Variants in DPF3 observed in about 807,000 individuals in gnomAD.
The protein encoded by DPF3 is double PHD fingers 3, also known as zinc finger protein DPF3.
A neutral mutation model predicts 56.8 loss-of-function variants in DPF3; 18 were observed. The ratio of observed to expected loss-of-function variants is 0.32; its 90% CI spans 0.22 to 0.47. DPF3 has a LOEUF of 0.47. Ranked by LOEUF, DPF3 falls within the 20% of genes least tolerant of loss-of-function variation. The pLI is 1.00. For synonymous variants in DPF3, 188 were observed against 180.2 expected (o/e 1.04, Z -0.35); for missense variants, 403 against 488.8 (o/e 0.82, Z 1.65).
At chr14:72,660,063 C>T (rs146100180) in intron 8 of DPF3, among the ~76,000 whole-genome samples, 120 of 151,972 alleles carry the variant, frequency 7.9e-4, no homozygotes, top group African/African-American at 2.6e-3. Context: ...ATGGGGAGTA[C>T]GTGTTTAAAT....
intron 8 of DPF3, among the ~76,000 whole-genome samples, chr14:72,639,496 G>A (rs556507835): frequency 9.2e-5 from 14 of 152,276 alleles, no homozygotes; most frequent in South Asian, 4.1e-4. Flanking sequence ...TTCATCTTCC[G>A]AATCCTCTCT....
intron 1 of DPF3, among the ~76,000 whole-genome samples, chr14:72,869,064 C>G (rs1469185631): frequency 6.6e-6 from 1 of 152,204 alleles, no homozygotes; most frequent in Non-Finnish European, 1.5e-5. Flanking sequence ...CATCTCATCC[C>G]TCTCCAGTGC....
chr14:72,689,846 C>T (rs1887598299), intron 7 of DPF3, among the ~76,000 whole-genome samples: 1 of 152,104 alleles, frequency 6.6e-6, no homozygotes, highest in South Asian at 2.1e-4. Context: ...CACTAAAAGC[C>T]TTTCTGCTGT....
chr14:72,888,356 T>C (rs1886627052), intron 1 of DPF3, among the ~76,000 whole-genome samples: 1 of 152,158 alleles, frequency 6.6e-6, no homozygotes, highest in Non-Finnish European at 1.5e-5. Flanking sequence ...AATCACAGGC[T>C]TCAAAAACCT....
intron 1 of DPF3, among the ~76,000 whole-genome samples, chr14:72,868,469 G>A (rs1885767089): frequency 6.6e-6 from 1 of 152,160 alleles, no homozygotes; most frequent in South Asian, 2.1e-4. Flanking sequence ...AACTTTCCAG[G>A]ACATGAAAAT....
chr14:72,652,271 C>A (rs1490555872), intron 8 of DPF3, among the ~76,000 whole-genome samples: 11 of 152,188 alleles, frequency 7.2e-5, no homozygotes, highest in Non-Finnish European at 1.5e-4. Flanking sequence ...CCCTTCCCCA[C>A]AAAGCTTCCC....
chr14:72,709,432 T>C (rs568424915), intron 6 of DPF3, among the ~76,000 whole-genome samples: 3 of 152,298 alleles, frequency 2.0e-5, no homozygotes, highest in African/African-American at 7.2e-5. Context: ...GGAAATCATA[T>C]AATTCCTTCC....
chr14:72,709,486 C>T (rs1035070065), intron 6 of DPF3, among the ~76,000 whole-genome samples: 25 of 152,182 alleles, frequency 1.6e-4, no homozygotes, highest in African/African-American at 4.6e-4. Context: ...AGCCTGCCCG[C>T]CTGATGCCTA....
intron 1 of DPF3, among the ~76,000 whole-genome samples, chr14:72,809,084 G>A (rs1882917140): frequency 6.6e-6 from 1 of 152,186 alleles, no homozygotes; most frequent in Non-Finnish European, 1.5e-5. Context: ...TAAAACACCA[G>A]GGCCCCCTTG....
chr14:72,799,867 T>G (rs1034867970), intron 1 of DPF3, among the ~76,000 whole-genome samples: 7 of 151,962 alleles, frequency 4.6e-5, no homozygotes, highest in African/African-American at 1.7e-4. Flanking sequence ...AGGATGCCAA[T>G]GTAAAGAAAA....
At chr14:72,893,712 G>A (rs1466327806) in intron 1 of DPF3, among the ~76,000 whole-genome samples, 1 of 150,244 alleles carries the variant, frequency 6.7e-6, no homozygotes, top group African/African-American at 2.4e-5. Context: ...CCCGCGAGGC[G>A]GGGGACTCCG....
At chr14:72,721,933 A>C (rs529739706) in intron 5 of DPF3, among the ~76,000 whole-genome samples, 35 of 152,170 alleles carry the variant, frequency 2.3e-4, no homozygotes, top group Non-Finnish European at 4.6e-4. Flanking sequence ...GGAGAAAAAA[A>C]AATGTGTGTG....
intron 1 of DPF3, among the ~76,000 whole-genome samples, chr14:72,779,991 C>T (rs754690424): frequency 2.6e-5 from 4 of 152,230 alleles, no homozygotes; most frequent in Non-Finnish European, 5.9e-5. Context: ...AGCACAGAGA[C>T]CACATCTGGC....
chr14:72,669,999 G>C, intron 8 of DPF3: 1 of 985,998 alleles, frequency 1.0e-6, no homozygotes, highest in African/African-American at 1.7e-5. Context: ...CTGTCAGTGA[G>C]GTGGGTGGCC....
chr14:72,661,971 C>T lies in DPF3; in HGVS notation c.871+12269G>A, dbSNP rs181342259. 2,311 of 983,838 alleles carry T rather than the reference C, an allele frequency of 2.3e-3. 8 individuals are homozygous for T. Among genetic ancestry groups the T allele is most frequent in the Middle Eastern group, 2.6e-3 (5 of 1,912 alleles). 60.9% of individuals were successfully genotyped at this position (983,838 alleles called of 1,614,324 possible). A position where few individuals can be genotyped will look rare whatever the true frequency, so the allele number is the denominator to read the frequency against. Reference sequence around the variant, plus strand: ...GATGGAATTCCTTCCTGAGCTAGACCTCATCAGACATGATAACTAGGAGGC... The same window carrying T: ...GATGGAATTCCTTCCTGAGCTAGACTTCATCAGACATGATAACTAGGAGGC... On this transcript the variant is annotated intron_variant, in intron 8 of 10. Transcript: ENST00000556509.
intron 1 of DPF3, among the ~76,000 whole-genome samples, chr14:72,864,637 C>T (rs1885588627): frequency 6.6e-6 from 1 of 152,256 alleles, no homozygotes; most frequent in Non-Finnish European, 1.5e-5. Context: ...CGGCCCTGTG[C>T]ATGGTGCTGC....
chr14:72,753,764 G>A (rs967681570), intron 2 of DPF3, among the ~76,000 whole-genome samples: 2 of 152,130 alleles, frequency 1.3e-5, no homozygotes, highest in South Asian at 2.1e-4. Flanking sequence ...CCTTCAAAAC[G>A]GAGCAGCAGT....
intron 1 of DPF3, among the ~76,000 whole-genome samples, chr14:72,776,705 G>A (rs546804722): frequency 2.0e-4 from 31 of 152,240 alleles, no homozygotes; most frequent in African/African-American, 7.5e-4. Context: ...CTCAGGTCCA[G>A]CCAGACACCT....
At chr14:72,673,840 C>G (rs1886794172) in intron 8 of DPF3, among the ~76,000 whole-genome samples, 1 of 152,222 alleles carries the variant, frequency 6.6e-6, no homozygotes, top group Admixed American at 6.5e-5. Context: ...CCACACCACA[C>G]TCTTCGGGTT....
Sources: allele counts gnomAD v4.1 joint callset (sites outside exome capture counted in the v4.1 genomes callset), GRCh38; gene constraint gnomAD v4.1.1; transcripts MANE v1.5; gene names NCBI Gene and HGNC (gene_info 2026-07-23, HGNC 2026-07-21).